Variants in SHPK observed in about 807,000 individuals in gnomAD.
The protein encoded by SHPK is carbohydrate kinase-like protein.
In SHPK, 51 loss-of-function variants were observed where a neutral mutation model predicts 46.3. That is an observed-to-expected ratio of 1.10 (90% CI 0.88 to 1.39). SHPK has a LOEUF of 1.39. SHPK is among the 40% of genes most tolerant of loss of function. SHPK has a pLI of 0.00. For missense variants in SHPK, 668 were observed against 641.3 expected, an observed-to-expected ratio of 1.04 and a Z score of -0.45; for synonymous variants, 290 against 273.9, an observed-to-expected ratio of 1.06 and a Z score of -0.58.
chr17:3,619,903 A>G (rs1320161599), intron 5 of SHPK: 1 of 236,766 alleles, frequency 4.2e-6, no homozygotes, highest in Non-Finnish European at 8.8e-6. Flanking sequence ...CCGGCCTCCC[A>G]GCGCCGCCAA....
Position 3,630,185 on chromosome 17 carries a change from C to G in SHPK, c.310+20G>C, listed in dbSNP as rs373909964. On this transcript the variant is annotated intron_variant, in intron 2 of 6. Transcript: ENST00000225519. ...GAAGTGACTGCTACCAGCCTGAGAG[C>G]ATCCCCGAGCCCAGCATACCTTGGC... 119 of 1,613,664 alleles carry G rather than the reference C, an allele frequency of 7.4e-5. No homozygotes were observed. The highest frequency in any genetic ancestry group is 9.7e-5 in the Non-Finnish European group (115 of 1,179,918).
intron 2 of SHPK, among the ~76,000 whole-genome samples, chr17:3,628,301 G>A (rs976355990): frequency 1.3e-5 from 2 of 151,276 alleles, no homozygotes; most frequent in Admixed American, 1.3e-4. Flanking sequence ...ATTTTTGTTT[G>A]TCTAAATTAA....
intron 2 of SHPK, among the ~76,000 whole-genome samples, chr17:3,628,836 A>G (rs2075453772): frequency 6.6e-6 from 1 of 151,994 alleles, no homozygotes; most frequent in Non-Finnish European, 1.5e-5. Context: ...TTTTGTAGAG[A>G]TGGGGTCCCA....
At chr17:3,618,582 C>G (rs900997574) in intron 5 of SHPK, among the ~76,000 whole-genome samples, 17 of 151,952 alleles carry the variant, frequency 1.1e-4, no homozygotes, top group Non-Finnish European at 2.5e-4. Context: ...GAGATCGAGA[C>G]CATCCTGGCC....
chr17:3,632,089 T>A (rs746375689), intron 1 of SHPK, among the ~76,000 whole-genome samples: 3 of 151,830 alleles, frequency 2.0e-5, no homozygotes, highest in Non-Finnish European at 4.4e-5. Context: ...CCCAAGTACC[T>A]GGGACTATAG....
At chr17:3,611,740 A>C (rs1173765799) in intron 6 of SHPK, among the ~76,000 whole-genome samples, 1 of 151,210 alleles carries the variant, frequency 6.6e-6, no homozygotes, top group Non-Finnish European at 1.5e-5. Flanking sequence ...CTTGCTTTTC[A>C]GTGTCAAGCC....
intron 2 of SHPK, among the ~76,000 whole-genome samples, chr17:3,628,458 G>T (rs1478731500): frequency 1.3e-5 from 2 of 151,936 alleles, no homozygotes; most frequent in African/African-American, 4.8e-5. Context: ...AAGTAGCTGG[G>T]ATTATAGGCA....
intron 4 of SHPK, chr17:3,622,561 T>C: frequency 1.0e-6 from 1 of 984,690 alleles, no homozygotes; most frequent in Non-Finnish European, 1.2e-6. Context: ...ACCAGGTGCT[T>C]TTTGTTTTAT....
intron 2 of SHPK, among the ~76,000 whole-genome samples, chr17:3,628,884 A>G (rs531546906): frequency 6.6e-6 from 1 of 152,174 alleles, no homozygotes; most frequent in South Asian, 2.1e-4. Flanking sequence ...CCTGGCCTCA[A>G]GCAATACTCC....
At chr17:3,623,029 G>A (rs1281391221) in intron 4 of SHPK, among the ~76,000 whole-genome samples, 1 of 152,202 alleles carries the variant, frequency 6.6e-6, no homozygotes, top group Non-Finnish European at 1.5e-5. Flanking sequence ...ATTAAAGAGT[G>A]AAAGCTGTAC....
intron 1 of SHPK, among the ~76,000 whole-genome samples, chr17:3,635,228 AGGAAGGAAGGAAGGAAG>A (rs1350738272): frequency 7.6e-6 from 1 of 131,326 alleles, no homozygotes; most frequent in Non-Finnish European, 1.7e-5. Flanking sequence ...GAAGGAAGGA[AGGAAGGAAGGAAGGAAG>A]GGAAGGAAGG....
At chr17:3,625,104 C>T (rs1232145172) in intron 2 of SHPK, among the ~76,000 whole-genome samples, 12 of 152,182 alleles carry the variant, frequency 7.9e-5, no homozygotes, top group Admixed American at 4.6e-4. Context: ...TCTTTCCAGG[C>T]AGTGTCTGAA....
chr17:3,631,770 C>T (rs1221702186), intron 1 of SHPK, among the ~76,000 whole-genome samples: 2 of 151,818 alleles, frequency 1.3e-5, no homozygotes, highest in Admixed American at 6.6e-5. Context: ...GATTCACCCA[C>T]CTCGGCCTCC....
intron 5 of SHPK, chr17:3,619,651 T>G (rs2075388684): frequency 5.8e-6 from 2 of 345,958 alleles, no homozygotes; most frequent in South Asian, 4.9e-5. Context: ...GAGAATCGCT[T>G]GAACCCCAGA....
In SHPK at chr17:3,615,455, G is replaced by T; in HGVS notation, c.906C>A (p.Ala302=). 2 of 1,614,178 alleles carry T rather than the reference G, an allele frequency of 1.2e-6. No homozygotes were observed. The highest frequency in any genetic ancestry group is 1.7e-6 in the Non-Finnish European group (2 of 1,180,026). The part of the protein sequence containing the change: ...FQPAQTPDPT[A]PVAYFPYFNR... ...TGAAGTATGGGAAGTAGGCGACTGG[G>T]GCCGTAGGGTCTGGAGTCTGTGCAG... The change falls in exon 6 of 7, where the codon GCC becomes GCA. Residue 302 remains alanine, a synonymous_variant. Transcript: ENST00000225519.
Position 3,610,752 on chromosome 17 carries a change from C to G in SHPK, c.1245G>C (p.Pro415=). The G allele has an allele frequency of 2.5e-6, 4 of 1,614,132 alleles. No homozygotes were observed. Among genetic ancestry groups the G allele is most frequent in the South Asian group, 1.1e-5 (1 of 91,078 alleles). ...GIVQNLHSML[P]IQQLQEWGVE... The stretch of plus-strand genomic sequence containing the variant: ...CGCCCCACTCCTGGAGCTGCTGAAT[C>G]GGAAGCATGGAGTGCAGGTTCTGAA... Residue 415 remains proline (P), a synonymous_variant, in exon 7 of 7, where the codon CCG becomes CCC. Transcript: ENST00000225519.
rs2075496967 is a variant in SHPK, at chr17:3,634,732, G to A, written c.168+1320C>T. 3.3e-5 allele frequency among the ~76,000 whole-genome samples: 5 copies of A among 152,004 alleles called. No homozygotes were observed. In the South Asian group the frequency reaches 1.0e-3, roughly 32 times the overall value. On this transcript the variant is annotated intron_variant, in intron 1 of 6. Transcript: ENST00000225519. ...CTTTAAGTAAGAATCCTTTTAATAT[G>A]CCCTAATGTCCCAACCAAACTAATC...
At chr17:3,631,512 CTTTTTTTTTTT>C (rs371958939) in intron 1 of SHPK, among the ~76,000 whole-genome samples, 609 of 53,044 alleles carry the variant, frequency 0.011, 38 homozygotes, top group African/African-American at 0.051. Flanking sequence ...TAATTTAATG[CTTTTTTTTTTT>C]TTTTTTTTTT....
chr17:3,628,799 G>A (rs1048523656), intron 2 of SHPK, among the ~76,000 whole-genome samples: 6 of 151,628 alleles, frequency 4.0e-5, no homozygotes, highest in South Asian at 2.1e-4. Context: ...TAAACATGTC[G>A]CACCACACCC....
Sources: allele counts gnomAD v4.1 joint callset (sites outside exome capture counted in the v4.1 genomes callset), GRCh38; gene constraint gnomAD v4.1.1; transcripts MANE v1.5; gene names NCBI Gene and HGNC (gene_info 2026-07-23, HGNC 2026-07-21).